The following ANO2 variants were observed in gnomAD, a reference collection of about 807,000 sequenced individuals.
ANO2 encodes anoctamin-2.
Under a neutral mutation model 124.2 loss-of-function variants are expected in ANO2, and 101 were observed. The observed-to-expected ratio is 0.81, with a 90% CI of 0.69 to 0.96. ANO2 has a LOEUF of 0.96. Ranked by LOEUF, ANO2 falls within the 40% of genes least tolerant of loss-of-function variation. The pLI is 0.00. For missense variants in ANO2, 1,293 were observed against 1,274.5 expected, an observed-to-expected ratio of 1.01 and a Z score of -0.22; for synonymous variants, 486 against 482.5, an observed-to-expected ratio of 1.01 and a Z score of -0.09.
intron 16 of ANO2, among the ~76,000 whole-genome samples, chr12:5,616,283 G>A (rs1280745020): frequency 6.6e-6 from 1 of 152,060 alleles, no homozygotes. Flanking sequence ...TCTGGTGAGG[G>A]CCTGTCTTTT....
At chr12:5,588,204 G>A (rs117548536) in intron 20 of ANO2, among the ~76,000 whole-genome samples, 721 of 145,464 alleles carry the variant, frequency 5.0e-3, no homozygotes, top group Non-Finnish European at 8.2e-3. Flanking sequence ...GAAGGAAGGA[G>A]GAAGCCTCAC....
intron 15 of ANO2, among the ~76,000 whole-genome samples, chr12:5,645,621 G>A (rs1946601766): frequency 6.6e-6 from 1 of 152,072 alleles, no homozygotes; most frequent in East Asian, 1.9e-4. Flanking sequence ...TATTTTTAAG[G>A]TTGCTGTTTT....
chr12:5,705,134 A>G (rs189090586), intron 14 of ANO2, among the ~76,000 whole-genome samples: 40 of 152,336 alleles, frequency 2.6e-4, no homozygotes, highest in Middle Eastern at 3.4e-3. Flanking sequence ...CATATAGGAT[A>G]TGTTTTATGG....
intron 14 of ANO2, among the ~76,000 whole-genome samples, chr12:5,672,210 C>T (rs1202901978): frequency 6.6e-6 from 1 of 152,140 alleles, no homozygotes; most frequent in East Asian, 1.9e-4. Flanking sequence ...AGAGCAAAAG[C>T]TAAACCCAAA....
intron 3 of ANO2, among the ~76,000 whole-genome samples, chr12:5,919,887 C>T (rs1319336134): frequency 5.1e-4 from 77 of 152,162 alleles, no homozygotes; most frequent in Non-Finnish European, 1.6e-4. Flanking sequence ...TTAGTAGAGA[C>T]AGGGTTTCAC....
intron 3 of ANO2, among the ~76,000 whole-genome samples, chr12:5,875,872 CA>C (rs1431449123): frequency 9.2e-5 from 14 of 151,576 alleles, no homozygotes. Flanking sequence ...TTCAAGAGGT[CA>C]GGAAAATCAG....
At chr12:5,864,696 T>A (rs1351720550) in intron 3 of ANO2, among the ~76,000 whole-genome samples, 1 of 152,200 alleles carries the variant, frequency 6.6e-6, no homozygotes, top group Non-Finnish European at 1.5e-5. Flanking sequence ...CAGTAGGTCC[T>A]GGCTGGCCTG....
intron 4 of ANO2, among the ~76,000 whole-genome samples, chr12:5,833,803 A>G (rs1350474433): frequency 6.6e-6 from 1 of 152,130 alleles, no homozygotes; most frequent in Non-Finnish European, 1.5e-5. Context: ...TCCTGAAACC[A>G]TCCCTGCCAC....
intron 12 of ANO2, among the ~76,000 whole-genome samples, chr12:5,742,820 C>T (rs1173161913): frequency 6.6e-6 from 1 of 152,108 alleles, no homozygotes; most frequent in Non-Finnish European, 1.5e-5. Context: ...GATAAGGAGA[C>T]ACAGAGCTGC....
intron 3 of ANO2, among the ~76,000 whole-genome samples, chr12:5,911,633 G>A (rs530817822): frequency 2.5e-4 from 38 of 152,284 alleles, no homozygotes; most frequent in African/African-American, 6.5e-4. Context: ...AAGTACAGTC[G>A]TACCAGGAAT....
At chr12:5,764,379 A>G (rs1951820432) in intron 10 of ANO2, among the ~76,000 whole-genome samples, 1 of 152,224 alleles carries the variant, frequency 6.6e-6, no homozygotes, top group Non-Finnish European at 1.5e-5. Context: ...ATATTCTCTT[A>G]CTTTTTAGTT....
intron 4 of ANO2, among the ~76,000 whole-genome samples, chr12:5,837,761 G>C (rs1293933631): frequency 6.6e-6 from 1 of 151,332 alleles, no homozygotes; most frequent in African/African-American, 2.4e-5. Flanking sequence ...GAGAAAGCAG[G>C]AAAGATCCAA....
At chr12:5,852,423 TTAA>T (rs1954939927) in intron 4 of ANO2, among the ~76,000 whole-genome samples, 1 of 152,240 alleles carries the variant, frequency 6.6e-6, no homozygotes, top group African/African-American at 2.4e-5. Flanking sequence ...GTAGCTAATA[TTAA>T]TGTTTGTGTT....
At position 5,708,445 on chromosome 12, in the gene ANO2, A is replaced by G. The variant is rs540517583; in HGVS notation, c.1545+24075T>C. ...TGATCTAGCTCCTCTTTGACCTTCA[A>G]CCTCATCTGGAGGAACTCTCCCAAC... On this transcript the variant is annotated intron_variant, in intron 14 of 24. Coordinates refer to ENST00000682330, the MANE Select transcript of ANO2 (RefSeq NM_001364791.2). Among the ~76,000 whole-genome samples the G allele has an allele frequency of 5.9e-5, 9 of 152,260 alleles. No individual in the cohort carries two copies. The East Asian group carries it at 1.7e-3, about 29-fold the overall frequency.
At chr12:5,783,725 G>T (rs1472275610) in intron 10 of ANO2, among the ~76,000 whole-genome samples, 1 of 152,232 alleles carries the variant, frequency 6.6e-6, no homozygotes, top group Non-Finnish European at 1.5e-5. Context: ...AATTAGCTAT[G>T]TGGTCCTGGG....
In ANO2 at chr12:5,668,143, T is replaced by C. The variant is rs572687177; in HGVS notation, c.1546-20342A>G. Among the ~76,000 whole-genome samples, 8 of 152,362 alleles carry C rather than the reference T, an allele frequency of 5.3e-5. No homozygotes were observed. In the South Asian group the frequency reaches 1.7e-3, roughly 32 times the overall value. On this transcript the variant is annotated intron_variant, in intron 14 of 24. Transcript: ENST00000682330. ...GGAATTTCCACACTATCTTCCACAA[T>C]AGTTTAACTAATTGACATTCCCACC...
chr12:5,828,785 C>G (rs1212696332), intron 6 of ANO2, among the ~76,000 whole-genome samples: 1 of 152,200 alleles, frequency 6.6e-6, no homozygotes, highest in African/African-American at 2.4e-5. Context: ...CGAGTGACCT[C>G]CTGAGTTCCC....
At chr12:5,751,076 C>A in intron 10 of ANO2, 106 bp from the exon 11 acceptor site, 1 of 1,136,052 alleles carries the variant, frequency 8.8e-7, no homozygotes, top group Non-Finnish European at 1.2e-6. Context: ...GATATTCATT[C>A]CTCTTGTGAC....
chr12:5,650,794 G>A (rs1232389702), intron 14 of ANO2, among the ~76,000 whole-genome samples: 3 of 152,154 alleles, frequency 2.0e-5, no homozygotes, highest in African/African-American at 7.2e-5. Flanking sequence ...GAGTGACCTT[G>A]GGAAATTCCC....
Sources: allele counts gnomAD v4.1 joint callset (sites outside exome capture counted in the v4.1 genomes callset), GRCh38; gene constraint gnomAD v4.1.1; transcripts MANE v1.5; gene names NCBI Gene and HGNC (gene_info 2026-07-23, HGNC 2026-07-21).